Variants in DSCAM observed in about 807,000 individuals in gnomAD.
The protein encoded by DSCAM is DS cell adhesion molecule, also known as cell adhesion molecule DSCAM.
A neutral mutation model predicts 217.7 loss-of-function variants in DSCAM; 47 were observed. The ratio of observed to expected loss-of-function variants is 0.22; its 90% CI spans 0.17 to 0.28. The LOEUF is 0.28. Ranked by LOEUF, DSCAM falls within the 10% of genes least tolerant of loss-of-function variation. The pLI is 1.00. For synonymous variants in DSCAM, 1,056 were observed against 1,015.3 expected, an observed-to-expected ratio of 1.04 and a Z score of -0.76; for missense variants, 2,080 against 2,618.3, an observed-to-expected ratio of 0.79 and a Z score of 4.49.
At chr21:40,759,979 ATTTATTT>A (rs1379967624) in intron 1 of DSCAM, among the ~76,000 whole-genome samples, 4 of 134,222 alleles carry the variant, frequency 3.0e-5, no homozygotes, top group African/African-American at 1.3e-4. Flanking sequence ...TTATTTATTT[ATTTATTT>A]ATTTATTTAT....
intron 1 of DSCAM, among the ~76,000 whole-genome samples, chr21:40,788,360 T>C (rs1184286408): frequency 2.0e-5 from 3 of 152,232 alleles, no homozygotes; most frequent in Admixed American, 2.0e-4. Context: ...GTAAGTAAAT[T>C]TGGTTCCCCT....
In DSCAM at chr21:40,122,101, A is replaced by T. The variant is rs149799413; in HGVS notation, c.3696+2094T>A. On this transcript the variant is annotated intron_variant, in intron 20 of 32. Coordinates refer to ENST00000400454, the MANE Select transcript of DSCAM (RefSeq NM_001389.5). ...AGAAATCCTGGGGAAATGCGTTTCT[A>T]CCCCATCTAACAACACCTGTGTGAC... 3.0e-3 allele frequency among the ~76,000 whole-genome samples: 450 copies of T among 152,194 alleles called. 2 individuals carry two copies. Among genetic ancestry groups the T allele is most frequent in the African/African-American group, 0.01 (423 of 41,516 alleles).
At chr21:40,263,972 G>A (rs1320043205) in intron 11 of DSCAM, among the ~76,000 whole-genome samples, 1 of 151,924 alleles carries the variant, frequency 6.6e-6, no homozygotes, top group Non-Finnish European at 1.5e-5. Context: ...TAAGTTCCTG[G>A]AAACATACAA....
chr21:40,126,651 CA>C (rs2090097112), intron 19 of DSCAM, among the ~76,000 whole-genome samples: 1 of 152,160 alleles, frequency 6.6e-6, no homozygotes, highest in South Asian at 2.1e-4. Flanking sequence ...AGTTAAAATG[CA>C]ACATTTCAGG....
chr21:40,298,173 C>T (rs778359174), intron 9 of DSCAM, among the ~76,000 whole-genome samples: 20 of 151,540 alleles, frequency 1.3e-4, no homozygotes, highest in Middle Eastern at 3.4e-3. Flanking sequence ...CTTCCACCTC[C>T]CAGGTTCAAG....
chr21:40,269,416 C>T (rs1459205687), intron 11 of DSCAM, among the ~76,000 whole-genome samples: 1 of 152,166 alleles, frequency 6.6e-6, no homozygotes, highest in Non-Finnish European at 1.5e-5. Flanking sequence ...GGGCTCACAC[C>T]CAGTGGCTTT....
At chr21:40,150,257 C>G (rs371171414) in intron 16 of DSCAM, among the ~76,000 whole-genome samples, 1 of 152,172 alleles carries the variant, frequency 6.6e-6, no homozygotes, top group South Asian at 2.1e-4. Context: ...ACTTTTCACC[C>G]TTTTGCAAAG....
At chr21:40,502,090 A>G (rs1446531772) in intron 3 of DSCAM, among the ~76,000 whole-genome samples, 1 of 152,102 alleles carries the variant, frequency 6.6e-6, no homozygotes, top group African/African-American at 2.4e-5. Flanking sequence ...CATTTGTTCT[A>G]TTTTTCACTA....
chr21:40,587,341 A>T (rs2076953995), intron 3 of DSCAM, among the ~76,000 whole-genome samples: 1 of 152,194 alleles, frequency 6.6e-6, no homozygotes, highest in Non-Finnish European at 1.5e-5. Flanking sequence ...TTCCCAATAC[A>T]ATGCTAATCC....
chr21:40,718,877 G>T (rs2090871601), intron 1 of DSCAM, among the ~76,000 whole-genome samples: 1 of 152,180 alleles, frequency 6.6e-6, no homozygotes, highest in African/African-American at 2.4e-5. Flanking sequence ...TGTAATCCCA[G>T]CACTTTTGGA....
intron 20 of DSCAM, among the ~76,000 whole-genome samples, chr21:40,110,562 T>C (rs2089884357): frequency 6.6e-6 from 1 of 152,156 alleles, no homozygotes; most frequent in Non-Finnish European, 1.5e-5. Context: ...CAAAGCTGGA[T>C]GGAAGATGAT....
intron 1 of DSCAM, among the ~76,000 whole-genome samples, chr21:40,723,544 G>A (rs2146511552): frequency 6.6e-6 from 1 of 152,260 alleles, no homozygotes; most frequent in East Asian, 1.9e-4. Flanking sequence ...TGCTTCATAG[G>A]AGATGATGCA....
intron 3 of DSCAM, among the ~76,000 whole-genome samples, chr21:40,525,462 G>A (rs1367375371): frequency 1.3e-5 from 2 of 152,094 alleles, no homozygotes; most frequent in Non-Finnish European, 2.9e-5. Context: ...ATACAAAGTG[G>A]GTCTTTGTGT....
At chr21:40,341,880 A>C (rs553429487) in intron 6 of DSCAM, among the ~76,000 whole-genome samples, 1 of 152,172 alleles carries the variant, frequency 6.6e-6, no homozygotes, top group Non-Finnish European at 1.5e-5. Context: ...TTTATGTTTC[A>C]TGTCATTTCA....
intron 6 of DSCAM, among the ~76,000 whole-genome samples, chr21:40,347,183 A>AG (rs1240653989): frequency 1.3e-5 from 2 of 151,864 alleles, no homozygotes; most frequent in Admixed American, 1.3e-4. Flanking sequence ...CTGTAATCCC[A>AG]GCTACTCGGG....
intron 3 of DSCAM, among the ~76,000 whole-genome samples, chr21:40,578,517 T>C (rs2076874454): frequency 6.6e-6 from 1 of 151,884 alleles, no homozygotes; most frequent in African/African-American, 2.4e-5. Flanking sequence ...CTCTGTAAAA[T>C]GGACCAATCA....
intron 20 of DSCAM, among the ~76,000 whole-genome samples, chr21:40,096,981 C>T (rs1370761863): frequency 1.3e-5 from 2 of 151,946 alleles, no homozygotes; most frequent in Non-Finnish European, 2.9e-5. Flanking sequence ...TTTTCAGATA[C>T]ATAAGAAGCT....
intron 3 of DSCAM, among the ~76,000 whole-genome samples, chr21:40,517,050 A>G (rs2076306544): frequency 6.8e-6 from 1 of 147,788 alleles, no homozygotes; most frequent in Admixed American, 6.8e-5. Flanking sequence ...TATACCTTAT[A>G]TACTCTGTGT....
chr21:40,349,525 A>T (rs1396311509), intron 5 of DSCAM, among the ~76,000 whole-genome samples: 1 of 152,196 alleles, frequency 6.6e-6, no homozygotes, highest in Non-Finnish European at 1.5e-5. Flanking sequence ...CAGGCAAGAA[A>T]AATGGAATAA....
Sources: gnomAD v4.1 joint callset for allele counts (sites outside exome capture counted in the v4.1 genomes callset) on GRCh38, gnomAD v4.1.1 for gene constraint, MANE v1.5 for transcripts, NCBI Gene and HGNC (gene_info 2026-07-23, HGNC 2026-07-21) for gene names.